SORCS1: variants seen among roughly 807,000 people sequenced by gnomAD.
SORCS1 encodes the protein VPS10 domain-containing receptor SorCS1.
Under a neutral mutation model 146.1 loss-of-function variants are expected in SORCS1, and 60 were observed. The ratio of observed to expected loss-of-function variants is 0.41; its 90% CI spans 0.33 to 0.51. SORCS1 has a LOEUF of 0.51. SORCS1 is among the 20% of genes least tolerant of loss of function. The pLI is 0.21. For synonymous variants in SORCS1, 637 were observed against 584.0 expected (o/e 1.09, Z -1.31); for missense variants, 1,352 against 1,487.6 (o/e 0.91, Z 1.50).
intron 2 of SORCS1, among the ~76,000 whole-genome samples, chr10:106,889,617 T>G (rs1396793496): frequency 6.7e-6 from 1 of 149,232 alleles, no homozygotes; most frequent in East Asian, 2.0e-4. Flanking sequence ...ACAAAAAAAT[T>G]AGCCGGGCAC....
intron 3 of SORCS1, among the ~76,000 whole-genome samples, chr10:106,795,426 G>C (rs1946510140): frequency 6.6e-6 from 1 of 152,088 alleles, no homozygotes; most frequent in South Asian, 2.1e-4. Flanking sequence ...CTCATTCTTA[G>C]AACTGGATCT....
rs1263361951 is a variant in SORCS1, at chr10:106,577,059, G to A, written c.*361C>T. 2.1e-6 allele frequency: 1 copy of A among 470,892 alleles called. No individual in the cohort carries two copies. Among genetic ancestry groups the A allele is most frequent in the Non-Finnish European group, 3.5e-6 (1 of 283,380 alleles). The allele number at this position is 470,892 out of a possible 1,614,324, so 29.2% of individuals were successfully genotyped here. On this transcript the variant is annotated 3_prime_UTR_variant, in exon 26 of 26. Coordinates refer to ENST00000263054, the MANE Select transcript of SORCS1 (RefSeq NM_052918.5). The stretch of plus-strand genomic sequence containing the variant: ...CCTCCAGACATGTTCTCAGAGTATT[G>A]TCCACATGCACAGGCTTAAAGCTAA...
At chr10:106,723,052 G>C (rs1198096563) in intron 6 of SORCS1, among the ~76,000 whole-genome samples, 1 of 152,024 alleles carries the variant, frequency 6.6e-6, no homozygotes, top group Non-Finnish European at 1.5e-5. Context: ...GTTTCATCTG[G>C]GTGTGGTGGC....
rs370930940 is a variant in SORCS1, at chr10:106,861,216, G to C, written c.627-31543C>G. Reference sequence around the variant, plus strand: ...AGTTCGCAACCAGCCTGGGCAACAAGGTGAAACCTTGTCTCTACTAAAATA... The same window carrying C: ...AGTTCGCAACCAGCCTGGGCAACAACGTGAAACCTTGTCTCTACTAAAATA... On this transcript the variant is annotated intron_variant, in intron 2 of 25. Transcript: ENST00000263054. Among the ~76,000 whole-genome samples the C allele has an allele frequency of 2.0e-3, 297 of 152,068 alleles. 3 individuals are homozygous for C. The highest frequency in any genetic ancestry group is 4.3e-3 in the African/African-American group (177 of 41,478).
chr10:107,008,536 A>G (rs2139703775), intron 1 of SORCS1, among the ~76,000 whole-genome samples: 1 of 152,372 alleles, frequency 6.6e-6, no homozygotes, highest in Middle Eastern at 3.4e-3. Context: ...TAATATTGTC[A>G]TTGAAATAAG....
chr10:107,084,054 A>G (rs1309252099), intron 1 of SORCS1, among the ~76,000 whole-genome samples: 1 of 151,624 alleles, frequency 6.6e-6, no homozygotes, highest in Non-Finnish European at 1.5e-5. Context: ...GTGAATGTCC[A>G]CAGTAGGGGA....
chr10:106,662,066 T>G (rs963687344), intron 17 of SORCS1, among the ~76,000 whole-genome samples: 1 of 152,240 alleles, frequency 6.6e-6, no homozygotes, highest in Admixed American at 6.5e-5. Flanking sequence ...AGTTCACTTT[T>G]TATTCCATCC....
intron 3 of SORCS1, among the ~76,000 whole-genome samples, chr10:106,807,678 C>CAGTAAT: frequency 6.6e-6 from 1 of 152,342 alleles, no homozygotes; most frequent in South Asian, 2.1e-4. Flanking sequence ...TGCATTCCAC[C>CAGTAAT]AGGTAGTTTA....
intron 21 of SORCS1, among the ~76,000 whole-genome samples, chr10:106,617,015 C>T (rs1218892141): frequency 1.6e-4 from 24 of 150,510 alleles, no homozygotes; most frequent in Admixed American, 1.1e-3. Flanking sequence ...AGTGCAATGG[C>T]GCGATCTTGG....
At chr10:106,833,538 T>C (rs1564712234) in intron 2 of SORCS1, among the ~76,000 whole-genome samples, 1 of 152,086 alleles carries the variant, frequency 6.6e-6, no homozygotes, top group Non-Finnish European at 1.5e-5. Flanking sequence ...GTTCTCTGAG[T>C]AGTTGTTCCT....
chr10:107,164,190 C>A lies in SORCS1; in HGVS notation c.337G>T (p.Ala113Ser). Residue 113 changes from alanine (A) to serine (S), a missense_variant, in exon 1 of 26, where the codon GCG (alanine) becomes TCG (serine). Coordinates refer to ENST00000263054, the MANE Select transcript of SORCS1 (RefSeq NM_052918.5). This position sits in a 1 kb window ranked among gnomAD's most constrained non-coding sequence, Gnocchi z 6.8. ...CCCCGTTCTGCCTTCTCCTGATCCG[C>A]TCCGCTCCGTCTCCTCCGGCCGGAG... is the stretch of plus-strand genomic sequence containing the variant. ...ARSGRRRRSG[A>S]DQEKAERGEG... 1 of 1,611,588 alleles carries A rather than the reference C, an allele frequency of 6.2e-7. No homozygotes were observed. Among genetic ancestry groups the A allele is most frequent in the East Asian group, 2.2e-5 (1 of 44,844 alleles).
At chr10:106,587,940 A>G (rs958230537) in intron 24 of SORCS1, among the ~76,000 whole-genome samples, 3 of 152,184 alleles carry the variant, frequency 2.0e-5, no homozygotes, top group African/African-American at 7.2e-5. Flanking sequence ...GCGTTTATCC[A>G]GAACTCCAGA....
At chr10:106,951,736 G>T (rs771481294) in intron 2 of SORCS1, among the ~76,000 whole-genome samples, 1 of 152,182 alleles carries the variant, frequency 6.6e-6, no homozygotes, top group Non-Finnish European at 1.5e-5. Flanking sequence ...TAAAAACACA[G>T]TTACTGAGCA....
intron 2 of SORCS1, among the ~76,000 whole-genome samples, chr10:106,953,361 A>G (rs1474961526): frequency 1.3e-5 from 2 of 152,132 alleles, no homozygotes; most frequent in Non-Finnish European, 2.9e-5. Context: ...TTGTAACACC[A>G]AATAAAATAT....
At chr10:106,944,793 A>G in intron 2 of SORCS1, among the ~76,000 whole-genome samples, 1 of 151,728 alleles carries the variant, frequency 6.6e-6, no homozygotes, top group Non-Finnish European at 1.5e-5. Flanking sequence ...AGTAATGAAT[A>G]AAATCATTCT....
intron 1 of SORCS1, among the ~76,000 whole-genome samples, chr10:107,131,405 A>G (rs1217462685): frequency 6.6e-6 from 1 of 152,206 alleles, no homozygotes; most frequent in Non-Finnish European, 1.5e-5. Context: ...CATCTCTTGG[A>G]TGTTGCAGCA....
intron 3 of SORCS1, among the ~76,000 whole-genome samples, chr10:106,811,702 T>A (rs1374960886): frequency 8.5e-5 from 13 of 152,218 alleles, no homozygotes; most frequent in Admixed American, 8.5e-4. Flanking sequence ...GCAGCAGTAC[T>A]CTGCTATAAA....
intron 8 of SORCS1, among the ~76,000 whole-genome samples, chr10:106,699,688 C>A (rs1041474153): frequency 6.6e-6 from 1 of 152,038 alleles, no homozygotes; most frequent in African/African-American, 2.4e-5. Context: ...ATGTATGATT[C>A]GGAGAATCAA....
At chr10:106,922,198 T>A (rs1356630924) in intron 2 of SORCS1, among the ~76,000 whole-genome samples, 1 of 152,164 alleles carries the variant, frequency 6.6e-6, no homozygotes, top group African/African-American at 2.4e-5. Flanking sequence ...AAGGACAAAG[T>A]TATGAATTTC....
Sources: gnomAD v4.1 joint callset for allele counts (sites outside exome capture counted in the v4.1 genomes callset) on GRCh38, gnomAD v4.1.1 for gene constraint, Gnocchi (gnomAD v3.1) non-coding constraint, MANE v1.5 for transcripts, NCBI Gene and HGNC (gene_info 2026-07-23, HGNC 2026-07-21) for gene names.